SHISA9: variants seen among roughly 807,000 people sequenced by gnomAD.
SHISA9 encodes shisa family member 9.
In SHISA9, 13 loss-of-function variants were observed where a neutral mutation model predicts 38.0. That is an observed-to-expected ratio of 0.34 (90% CI 0.22 to 0.54). The LOEUF is 0.54. SHISA9 is among the 20% of genes least tolerant of loss of function. The pLI, the probability that SHISA9 is intolerant of heterozygous loss-of-function variation, is 0.91. For synonymous variants in SHISA9, 275 were observed against 242.0 expected, an observed-to-expected ratio of 1.14 and a Z score of -1.27; for missense variants, 538 against 575.8, an observed-to-expected ratio of 0.93 and a Z score of 0.67.
intron 2 of SHISA9, among the ~76,000 whole-genome samples, chr16:13,022,338 T>G (rs1820622764): frequency 6.6e-6 from 1 of 151,770 alleles, no homozygotes; most frequent in Admixed American, 6.6e-5. Context: ...TAAAAAAATT[T>G]TTTTTTTTTC....
At chr16:13,036,728 C>T (rs1321534974) in intron 2 of SHISA9, among the ~76,000 whole-genome samples, 1 of 145,192 alleles carries the variant, frequency 6.9e-6, no homozygotes, top group Non-Finnish European at 1.5e-5. Context: ...ACAGAATCAG[C>T]TTCTTGAAGT....
At chr16:13,534,749 C>G in the SHISA9 span, among the ~76,000 whole-genome samples, 4 of 152,186 alleles carry the variant, frequency 2.6e-5, no homozygotes, top group African/African-American at 9.6e-5. Flanking sequence ...ATATCAACCT[C>G]TAAGTGCTGA....
At chr16:13,338,127 C>T in the SHISA9 span, among the ~76,000 whole-genome samples, 1 of 152,148 alleles carries the variant, frequency 6.6e-6, no homozygotes, top group Admixed American at 6.5e-5. Context: ...GCCTTCTTGT[C>T]AGTCTAAGGA....
chr16:13,097,983 C>G (rs1009605902), intron 2 of SHISA9, among the ~76,000 whole-genome samples: 1 of 152,186 alleles, frequency 6.6e-6, no homozygotes, highest in Non-Finnish European at 1.5e-5. Context: ...TGAGCACTTA[C>G]TATGTGTGAA....
chr16:13,406,192 A>G, the SHISA9 span, among the ~76,000 whole-genome samples: 1 of 152,226 alleles, frequency 6.6e-6, no homozygotes, highest in African/African-American at 2.4e-5. Flanking sequence ...ATCTTTGGAC[A>G]ATAAGAAGAG....
chr16:13,539,019 T>C, the SHISA9 span, among the ~76,000 whole-genome samples: 2 of 152,106 alleles, frequency 1.3e-5, no homozygotes, highest in Non-Finnish European at 2.9e-5. Context: ...AGGTGATCAC[T>C]GGAGAAGCCT....
At chr16:13,304,916 G>A in the SHISA9 span, among the ~76,000 whole-genome samples, 1 of 152,198 alleles carries the variant, frequency 6.6e-6, no homozygotes, top group Non-Finnish European at 1.5e-5. Context: ...CTTAGACGAT[G>A]CAGGTGAAGG....
downstream of SHISA9, among the ~76,000 whole-genome samples, chr16:13,243,548 G>A (rs146050051): frequency 5.4e-3 from 816 of 152,266 alleles, 12 homozygotes; most frequent in South Asian, 0.05. Context: ...TTGGGTTGAT[G>A]CAAGAGGTAG....
chr16:13,360,447 T>G, the SHISA9 span, among the ~76,000 whole-genome samples: 2 of 152,272 alleles, frequency 1.3e-5, no homozygotes, highest in African/African-American at 4.8e-5. Flanking sequence ...GTTTCCCCCA[T>G]GCTCTTCTCA....
chr16:13,072,598 T>C lies in SHISA9; in HGVS notation c.692-130796T>C, dbSNP rs185110863. Among the ~76,000 whole-genome samples the C allele has an allele frequency of 9.3e-4, 142 of 152,328 alleles. 1 individual carries two copies. The highest frequency in any genetic ancestry group is 6.8e-3 in the Middle Eastern group (2 of 294). On this transcript the variant is annotated intron_variant, in intron 2 of 4. Coordinates refer to ENST00000558583, the MANE Select transcript of SHISA9 (RefSeq NM_001145204.3). ...GCATGTATCATCTCATTCAATCCTT[T>C]CAAGACCTATGATCAAGTCAGTCAA...
At chr16:13,292,460 G>A in the SHISA9 span, among the ~76,000 whole-genome samples, 3 of 152,084 alleles carry the variant, frequency 2.0e-5, no homozygotes, top group Admixed American at 6.6e-5. Context: ...ACCTAGCTGT[G>A]TGCTCATTCC....
intron 1 of SHISA9, chr16:12,911,494 A>G: frequency 3.1e-6 from 2 of 641,136 alleles, no homozygotes; most frequent in Non-Finnish European, 3.9e-6. Context: ...GTAAGGACAG[A>G]AATTTCAAAC....
the SHISA9 span, among the ~76,000 whole-genome samples, chr16:13,413,229 C>G: frequency 2.0e-5 from 3 of 152,144 alleles, no homozygotes; most frequent in Non-Finnish European, 4.4e-5. Flanking sequence ...GAGAAAAATT[C>G]TATGATCAAA....
At chr16:13,069,793 T>G (rs908496448) in intron 2 of SHISA9, among the ~76,000 whole-genome samples, 1 of 152,098 alleles carries the variant, frequency 6.6e-6, no homozygotes, top group Non-Finnish European at 1.5e-5. Flanking sequence ...AGGGCTTTGC[T>G]CTCATGAATG....
At chr16:12,989,260 C>T (rs1489161397) in intron 2 of SHISA9, among the ~76,000 whole-genome samples, 1 of 152,002 alleles carries the variant, frequency 6.6e-6, no homozygotes, top group African/African-American at 2.4e-5. Context: ...GGTGCCTGAC[C>T]TCTGCCTGCC....
chr16:13,252,347 A>T, the SHISA9 span, among the ~76,000 whole-genome samples: 1 of 152,210 alleles, frequency 6.6e-6, no homozygotes, highest in Admixed American at 6.5e-5. Flanking sequence ...TTTGGTTGTC[A>T]TAACTTGGGA....
chr16:13,307,345 C>T, the SHISA9 span, among the ~76,000 whole-genome samples: 1 of 152,090 alleles, frequency 6.6e-6, no homozygotes, highest in African/African-American at 2.4e-5. Flanking sequence ...CCTGTATTTT[C>T]TGCTGCTATT....
chr16:13,356,065 C>A, the SHISA9 span, among the ~76,000 whole-genome samples: 2 of 152,144 alleles, frequency 1.3e-5, no homozygotes, highest in Non-Finnish European at 2.9e-5. Context: ...TGGAGGAACA[C>A]CTGGCCACTG....
the SHISA9 span, among the ~76,000 whole-genome samples, chr16:13,264,728 T>C: frequency 2.6e-5 from 4 of 152,022 alleles, no homozygotes; most frequent in East Asian, 1.9e-4. Flanking sequence ...ATAATAAAAG[T>C]AGAGTGAAAA....
Sources: gnomAD v4.1 joint callset for allele counts (sites outside exome capture counted in the v4.1 genomes callset) on GRCh38, gnomAD v4.1.1 for gene constraint, MANE v1.5 for transcripts, NCBI Gene and HGNC (gene_info 2026-07-23, HGNC 2026-07-21) for gene names.